Variants in SPIRE1 observed in about 807,000 individuals in gnomAD.
SPIRE1 encodes the protein spire type actin nucleation factor 1.
SPIRE1 carries 40 observed loss-of-function variants against 94.1 expected under a neutral mutation model. That is an observed-to-expected ratio of 0.43 (90% CI 0.33 to 0.55). The LOEUF (loss-of-function observed/expected upper bound fraction) is 0.55, where lower values mean the gene tolerates loss of function less well. SPIRE1 is among the 20% of genes least tolerant of loss of function. SPIRE1 has a pLI of 0.06. For synonymous variants in SPIRE1, 376 were observed against 371.7 expected (o/e 1.01, Z -0.13); for missense variants, 838 against 975.2 (o/e 0.86, Z 1.87).
chr18:12,520,092 G>C (rs1469974744), intron 4 of SPIRE1, among the ~76,000 whole-genome samples: 2 of 151,920 alleles, frequency 1.3e-5, no homozygotes, highest in African/African-American at 2.4e-5. Flanking sequence ...AGATTATAAA[G>C]GCCTACAGAT....
intron 2 of SPIRE1, among the ~76,000 whole-genome samples, chr18:12,570,287 G>A (rs2035930683): frequency 6.6e-6 from 1 of 152,184 alleles, no homozygotes; most frequent in Non-Finnish European, 1.5e-5. Context: ...TGTTTAACAT[G>A]TGTAAATAGC....
chr18:12,513,372 C>T (rs529698197), intron 4 of SPIRE1, among the ~76,000 whole-genome samples: 47 of 152,254 alleles, frequency 3.1e-4, no homozygotes, highest in African/African-American at 1.0e-3. Context: ...ATGTGCCTGC[C>T]TGCACTTAAA....
chr18:12,658,775 T>A (rs2038634552), upstream of SPIRE1: 1 of 336,286 alleles, frequency 3.0e-6, no homozygotes, highest in South Asian at 2.2e-5. Context: ...ATCTTCAGGG[T>A]AAGCACCGTA....
chr18:12,661,775 A>G (rs938936996), upstream of SPIRE1: 6 of 155,806 alleles, frequency 3.9e-5, no homozygotes, highest in African/African-American at 1.5e-4. Flanking sequence ...AGTCCGTCTC[A>G]AAGAGAAAAA....
intron 10 of SPIRE1, among the ~76,000 whole-genome samples, chr18:12,471,830 G>C (rs1235698663): frequency 6.6e-6 from 1 of 152,048 alleles, no homozygotes; most frequent in Non-Finnish European, 1.5e-5. Context: ...TGTCACCCCT[G>C]TTGGAGTGCA....
At chr18:12,545,876 G>A (rs1016496392) in intron 3 of SPIRE1, among the ~76,000 whole-genome samples, 4 of 152,136 alleles carry the variant, frequency 2.6e-5, no homozygotes, top group African/African-American at 9.7e-5. Flanking sequence ...GTAATGATAA[G>A]GGGTATATAA....
chr18:12,535,578 A>G lies in SPIRE1; in HGVS notation c.627T>C (p.Thr209=), dbSNP rs750686006. 1.9e-6 allele frequency: 3 copies of G among 1,612,992 alleles called. No individual in the cohort carries two copies. Among genetic ancestry groups the G allele is most frequent in the Admixed American group, 3.3e-5 (2 of 60,002 alleles). The change falls in exon 4 of 17, where the codon ACT becomes ACC. Residue 209 remains threonine, a synonymous_variant. Coordinates refer to ENST00000409402, the MANE Select transcript of SPIRE1 (RefSeq NM_001128626.2). The part of the protein sequence containing the change: ...VMKLCAAHLP[T]ESDAPNHYQA... The stretch of plus-strand genomic sequence containing the variant: ...GATAATGATTTGGTGCATCTGATTC[A>G]GTAGGGAGATGAGCAGCACACAACT...
rs373511139 is a variant in SPIRE1, at chr18:12,511,771, C to T, written c.807+683G>A. ...ACAGAGTCTCACTCTATTGACCAGG[C>T]TGGAGTGCAGTGGTGTGATCATAGT... On this transcript the variant is annotated intron_variant, in intron 5 of 16. Coordinates refer to ENST00000409402, the MANE Select transcript of SPIRE1 (RefSeq NM_001128626.2). Among the ~76,000 whole-genome samples, 10 of 152,176 alleles carry T rather than the reference C, an allele frequency of 6.6e-5. No individual in the cohort carries two copies. The East Asian group carries it at 1.5e-3, about 24-fold the overall frequency.
chr18:12,454,610 G>A (rs1323462354), intron 12 of SPIRE1, 127 bp from the exon 13 acceptor site: 2 of 811,612 alleles, frequency 2.5e-6, no homozygotes, highest in African/African-American at 3.7e-5. Context: ...AATGACCACT[G>A]GGGCAGAGCT....
chr18:12,494,176 G>T (rs2033349011), intron 7 of SPIRE1, among the ~76,000 whole-genome samples: 1 of 152,172 alleles, frequency 6.6e-6, no homozygotes, highest in South Asian at 2.1e-4. Flanking sequence ...GCCTTCCAAA[G>T]TGTGGGGATT....
rs546041503 is a variant in SPIRE1, at chr18:12,628,604, A to G, written c.372+6458T>C. 5.3e-5 allele frequency among the ~76,000 whole-genome samples: 8 copies of G among 152,252 alleles called. No individual in the cohort carries two copies. In the South Asian group the frequency reaches 1.7e-3, roughly 32 times the overall value. On this transcript the variant is annotated intron_variant, in intron 2 of 16. Coordinates refer to ENST00000409402, the MANE Select transcript of SPIRE1 (RefSeq NM_001128626.2). ...TGTGAAGAAAGTCATTGGTAGCTTG[A>G]TGGGGATGGCATTGAATCTATAAAT...
upstream of SPIRE1, chr18:12,658,128 C>CCCGCCTCGCGCCGTCCAGCG: frequency 1.0e-6 from 1 of 965,240 alleles, no homozygotes; most frequent in Non-Finnish European, 1.2e-6. Context: ...CCCGCCCCGC[C>CCCGCCTCGCGCCGTCCAGCG]CCGCCTCGCG....
intron 3 of SPIRE1, among the ~76,000 whole-genome samples, chr18:12,537,009 G>A (rs1171377394): frequency 6.6e-6 from 1 of 152,036 alleles, no homozygotes; most frequent in Non-Finnish European, 1.5e-5. Flanking sequence ...TAATAATGTG[G>A]CTTTCTGTTT....
chr18:12,472,596 T>C (rs1010173384), intron 10 of SPIRE1, among the ~76,000 whole-genome samples: 7 of 151,822 alleles, frequency 4.6e-5, no homozygotes, highest in African/African-American at 1.5e-4. Context: ...CTTGAACTCC[T>C]GGGCTCAAGT....
At chr18:12,650,283 G>C (rs1305322943) in intron 1 of SPIRE1, among the ~76,000 whole-genome samples, 1 of 152,094 alleles carries the variant, frequency 6.6e-6, no homozygotes, top group Non-Finnish European at 1.5e-5. Flanking sequence ...AGCAGGCCAG[G>C]CATGGTGGCT....
chr18:12,579,639 T>G (rs2036205138), intron 2 of SPIRE1, among the ~76,000 whole-genome samples: 1 of 152,230 alleles, frequency 6.6e-6, no homozygotes, highest in Non-Finnish European at 1.5e-5. Flanking sequence ...ATATGTATTT[T>G]ATCACAAACA....
intron 12 of SPIRE1, 32 bp downstream of exon 12, chr18:12,463,319 C>G (rs2031947781): frequency 6.4e-7 from 1 of 1,570,478 alleles, no homozygotes; most frequent in Admixed American, 1.8e-5. Flanking sequence ...TAGCTGGTCC[C>G]TAAGTTACTA....
chr18:12,518,073 T>G (rs1389766522), intron 4 of SPIRE1, among the ~76,000 whole-genome samples: 1 of 152,198 alleles, frequency 6.6e-6, no homozygotes, highest in East Asian at 1.9e-4. Context: ...AGCAGTGGTG[T>G]GATCATGGCT....
At chr18:12,528,524 G>C (rs2034589426) in intron 4 of SPIRE1, among the ~76,000 whole-genome samples, 1 of 152,204 alleles carries the variant, frequency 6.6e-6, no homozygotes, top group Admixed American at 6.5e-5. Flanking sequence ...GGACATTCAG[G>C]AATGAAGGAA....
Sources: allele counts gnomAD v4.1 joint callset (sites outside exome capture counted in the v4.1 genomes callset), GRCh38; gene constraint gnomAD v4.1.1; transcripts MANE v1.5; gene names NCBI Gene and HGNC (gene_info 2026-07-23, HGNC 2026-07-21).